Variants in SERPINB7 observed in about 807,000 individuals in gnomAD.
SERPINB7 encodes serpin B7.
A neutral mutation model predicts 37.4 loss-of-function variants in SERPINB7; 31 were observed. The ratio of observed to expected loss-of-function variants is 0.83; its 90% CI spans 0.62 to 1.12. The LOEUF (loss-of-function observed/expected upper bound fraction) is 1.12, where lower values mean the gene tolerates loss of function less well. Ranked by LOEUF, SERPINB7 falls within the 50% of genes most tolerant of loss-of-function variation. The pLI, the probability that SERPINB7 is intolerant of heterozygous loss-of-function variation, is 0.00. For missense variants in SERPINB7, 521 were observed against 455.3 expected, an observed-to-expected ratio of 1.14 and a Z score of -1.31; for synonymous variants, 163 against 166.1, an observed-to-expected ratio of 0.98 and a Z score of 0.14.
chr18:63,794,110 A>ATTTT lies in SERPINB7; in HGVS notation c.336+853_336+856dup, dbSNP rs34450022. Among the ~76,000 whole-genome samples the ATTTT allele has an allele frequency of 7.0e-3, 739 of 105,514 alleles. 11 individuals are homozygous for ATTTT. The highest frequency in any genetic ancestry group is 0.017 in the Admixed American group (143 of 8,654). 69.2% of individuals were successfully genotyped at this position (105,514 alleles called of 152,430 possible). A position where few individuals can be genotyped will look rare whatever the true frequency, so the allele number is the denominator to read the frequency against. ...AGGCACGTGCCACCACATCCTGCTA[A>ATTTT]TTTTTTTTTTTTTTTTTTTTTTTGT... On this transcript the variant is annotated intron_variant, in intron 4 of 7. Transcript: ENST00000398019.
rs369294488 is a variant in SERPINB7, at chr18:63,804,615, G to A, written c.1123G>A (p.Gly375Ser). ...IRKDDIILFS[G>S]KVSCP ...GAAGGATGACATCATCTTATTCAGTGGCAAAGTTTCTTGCCCTTGAAAATC... is the reference window on the plus strand; with the variant it reads ...GAAGGATGACATCATCTTATTCAGTAGCAAAGTTTCTTGCCCTTGAAAATC... Residue 375 changes from glycine to serine, a missense_variant, in exon 8 of 8, where the codon GGC (glycine) becomes AGC (serine). Physicochemically the swap from Gly to Ser is moderately conservative, Grantham distance 56. Transcript: ENST00000398019. The A allele has an allele frequency of 2.5e-6, 4 of 1,608,928 alleles. No homozygotes were observed. The African/African-American group carries it at 5.4e-5, about 22-fold the overall frequency.
chr18:63,753,757 C>T (rs2049105221), intron 1 of SERPINB7, among the ~76,000 whole-genome samples: 1 of 152,136 alleles, frequency 6.6e-6, no homozygotes, highest in Non-Finnish European at 1.5e-5. Context: ...ACTTTAGCAA[C>T]AATTTTGAGA....
At chr18:63,804,142 A>AG in intron 7 of SERPINB7, 95 bp from the exon 8 acceptor site, 1 of 885,024 alleles carries the variant, frequency 1.1e-6, no homozygotes, top group Non-Finnish European at 1.7e-6. Flanking sequence ...ATATCCAGGA[A>AG]GCGATAATTA....
chr18:63,804,235 A>G lies in SERPINB7; in HGVS notation c.745-2A>G, dbSNP rs1390660834. On this transcript the variant is annotated splice_acceptor_variant, in intron 7 of 7. Coordinates refer to ENST00000398019, the MANE Select transcript of SERPINB7 (RefSeq NM_003784.4). LOFTEE classifies it high-confidence loss of function. ...TAAATTATCTCTGAATTATTTTTAC[A>G]GATTGAAAACAAACTGACCTTTCAG... The G allele has an allele frequency of 1.0e-5, 16 of 1,535,402 alleles. No individual in the cohort carries two copies. Among genetic ancestry groups the G allele is most frequent in the Non-Finnish European group, 1.4e-5 (16 of 1,144,210 alleles).
intron 7 of SERPINB7, among the ~76,000 whole-genome samples, chr18:63,802,573 G>T (rs943960434): frequency 6.6e-6 from 1 of 152,148 alleles, no homozygotes; most frequent in Non-Finnish European, 1.5e-5. Flanking sequence ...AGATACATAT[G>T]TATAGATATG....
chr18:63,780,060 C>A (rs996531690), intron 1 of SERPINB7, among the ~76,000 whole-genome samples: 11 of 152,092 alleles, frequency 7.2e-5, no homozygotes, highest in African/African-American at 2.7e-4. Context: ...ATTTTAAAAA[C>A]TCTAACTCAC....
At chr18:63,774,381 G>C (rs1208408367), upstream of SERPINB7, among the ~76,000 whole-genome samples, 1 of 152,050 alleles carries the variant, frequency 6.6e-6, no homozygotes. Flanking sequence ...CAGTTACTTG[G>C]ATAAATGTTG....
chr18:63,784,071 T>C (rs770621795), intron 2 of SERPINB7, among the ~76,000 whole-genome samples: 6 of 152,196 alleles, frequency 3.9e-5, no homozygotes, highest in Non-Finnish European at 5.9e-5. Flanking sequence ...ACTTAATCAG[T>C]GTTCAGGATC....
intron 7 of SERPINB7, among the ~76,000 whole-genome samples, chr18:63,801,652 G>C (rs573386297): frequency 6.6e-6 from 1 of 152,212 alleles, no homozygotes; most frequent in South Asian, 2.1e-4. Context: ...GATTGGGTGG[G>C]GATGCAGTCA....
chr18:63,785,522 A>G (rs1485575419), intron 2 of SERPINB7, among the ~76,000 whole-genome samples: 1 of 152,182 alleles, frequency 6.6e-6, no homozygotes, highest in Non-Finnish European at 1.5e-5. Context: ...TTCCTCATGA[A>G]ACTCTGGCTC....
intron 2 of SERPINB7, among the ~76,000 whole-genome samples, chr18:63,787,808 G>T (rs574495666): frequency 1.3e-5 from 2 of 152,108 alleles, no homozygotes; most frequent in African/African-American, 4.8e-5. Flanking sequence ...TTTTTACGAG[G>T]TACAGTCACA....
At chr18:63,788,610 T>C (rs1303776308) in intron 2 of SERPINB7, among the ~76,000 whole-genome samples, 1 of 152,206 alleles carries the variant, frequency 6.6e-6, no homozygotes, top group African/African-American at 2.4e-5. Context: ...TCTACAGCGG[T>C]GTACAGTAAC....
At chr18:63,753,292 G>A (rs142699818) in intron 1 of SERPINB7, among the ~76,000 whole-genome samples, 137 of 152,268 alleles carry the variant, frequency 9.0e-4, no homozygotes, top group African/African-American at 2.9e-3. Context: ...CCCCTTTCCA[G>A]GGTAACCACA....
intron 1 of SERPINB7, chr18:63,777,918 ACACACACAG>A (rs2049265760): frequency 6.7e-6 from 1 of 149,496 alleles, no homozygotes; most frequent in Non-Finnish European, 1.5e-5. Flanking sequence ...ACACACACAC[ACACACACAG>A]ACACAGAGAG....
At chr18:63,757,687 A>G (rs2049129668) in intron 1 of SERPINB7, among the ~76,000 whole-genome samples, 1 of 152,278 alleles carries the variant, frequency 6.6e-6, no homozygotes, top group Admixed American at 6.5e-5. Flanking sequence ...AAAGCCAGAC[A>G]TATTTACTAT....
Position 63,796,254 on chromosome 18 carries a change from T to G in SERPINB7, c.337-12T>G. ...TGATTTGTAAATACGAGAACTATAT[T>G]CTTCTTTATAGGACTACATTGAGTG... On this transcript the variant is annotated splice_polypyrimidine_tract_variant and intron_variant, in intron 4 of 7. Coordinates refer to ENST00000398019, the MANE Select transcript of SERPINB7 (RefSeq NM_003784.4). 6.8e-7 allele frequency: 1 copy of G among 1,472,060 alleles called. No homozygotes were observed. Among genetic ancestry groups the G allele is most frequent in the Non-Finnish European group, 9.5e-7 (1 of 1,054,374 alleles). 91.2% of individuals were successfully genotyped at this position (1,472,060 alleles called of 1,614,324 possible).
chr18:63,779,651 G>T (rs974828884), intron 1 of SERPINB7, among the ~76,000 whole-genome samples: 11 of 150,946 alleles, frequency 7.3e-5, no homozygotes, highest in Non-Finnish European at 1.3e-4. Flanking sequence ...TTTCTAGTAT[G>T]GTTTCTCTGC....
intron 4 of SERPINB7, among the ~76,000 whole-genome samples, chr18:63,794,968 T>C (rs138988074): frequency 6.6e-6 from 1 of 152,370 alleles, no homozygotes; most frequent in Non-Finnish European, 1.5e-5. Context: ...CTTTCTCTTC[T>C]AATTCTGAAC....
In SERPINB7 at chr18:63,782,518, A is replaced by G. The variant is rs754470058; in HGVS notation, c.146A>G (p.Asp49Gly). 1 of 1,612,380 alleles carries G rather than the reference A, an allele frequency of 6.2e-7. No individual in the cohort carries two copies. Among genetic ancestry groups the G allele is most frequent in the Non-Finnish European group, 8.5e-7 (1 of 1,179,192 alleles). The change falls in exon 2 of 8, where the codon GAC becomes GGC. Residue 49 changes from aspartate (D) to glycine (G), a missense_variant. Coordinates refer to ENST00000398019, the MANE Select transcript of SERPINB7 (RefSeq NM_003784.4). The part of the protein sequence containing the change: ...LALVRLGAQD[D>G]SLSQIDKLLH... ...CTGGTCCGCTTGGGCGCTCAAGATGACTCCCTCTCTCAGATTGATAAGGTC... is the reference window on the plus strand; with the variant it reads ...CTGGTCCGCTTGGGCGCTCAAGATGGCTCCCTCTCTCAGATTGATAAGGTC...
Sources: gnomAD v4.1 joint callset for allele counts (sites outside exome capture counted in the v4.1 genomes callset) on GRCh38, gnomAD v4.1.1 for gene constraint, MANE v1.5 for transcripts, NCBI Gene and HGNC (gene_info 2026-07-23, HGNC 2026-07-21) for gene names.